The following PCDHGB6 variants were observed in gnomAD, a reference collection of about 807,000 sequenced individuals.
PCDHGB6 encodes protocadherin gamma subfamily B, 6, also known as protocadherin gamma-B6.
Under a neutral mutation model 59.1 loss-of-function variants are expected in PCDHGB6, and 51 were observed. That is an observed-to-expected ratio of 0.86 (90% CI 0.69 to 1.09). PCDHGB6 has a LOEUF of 1.09. Ranked by LOEUF, PCDHGB6 falls within the 50% of genes least tolerant of loss-of-function variation. The probability of loss-of-function intolerance (pLI) is 0.00; values close to 1 mark genes in which losing one functional copy is unlikely to be tolerated. For synonymous variants in PCDHGB6, 466 were observed against 495.1 expected, an observed-to-expected ratio of 0.94 and a Z score of 0.78; for missense variants, 1,148 against 1,205.1, an observed-to-expected ratio of 0.95 and a Z score of 0.70.
chr5:141,441,671 C>T (rs1027440120), intron 1 of PCDHGB6: 1 of 287,648 alleles, frequency 3.5e-6, no homozygotes, highest in African/African-American at 2.3e-5. Flanking sequence ...GCGCACAGTG[C>T]GCCTTCGACC....
At chr5:141,443,871 G>A (rs1395939418) in intron 1 of PCDHGB6, among the ~76,000 whole-genome samples, 1 of 152,112 alleles carries the variant, frequency 6.6e-6, no homozygotes, top group East Asian at 1.9e-4. Context: ...AAAAATTACT[G>A]ATAAGTCAAG....
intron 1 of PCDHGB6, among the ~76,000 whole-genome samples, chr5:141,457,155 A>G (rs1403164805): frequency 1.3e-5 from 2 of 152,216 alleles, no homozygotes; most frequent in Admixed American, 6.5e-5. Flanking sequence ...AGAAGGTGCT[A>G]CCATGGATAA....
intron 1 of PCDHGB6, among the ~76,000 whole-genome samples, chr5:141,448,086 TAA>T (rs558292628): frequency 6.8e-6 from 1 of 146,354 alleles, no homozygotes; most frequent in Middle Eastern, 3.2e-3. Flanking sequence ...AATGCCATCT[TAA>T]AAAAAAAAAA....
At chr5:141,506,787 G>A (rs55775963) in intron 3 of PCDHGB6, among the ~76,000 whole-genome samples, 1,925 of 152,270 alleles carry the variant, frequency 0.013, 43 homozygotes, top group African/African-American at 0.044. Flanking sequence ...CTTATAAGGA[G>A]GCTGGCAGAG....
At position 141,476,980 on chromosome 5, in the gene PCDHGB6, C is replaced by T; in HGVS notation, c.2419-17827C>T. 6.2e-7 allele frequency: 1 copy of T among 1,614,232 alleles called. No individual in the cohort carries two copies. Among genetic ancestry groups the T allele is most frequent in the Non-Finnish European group, 8.5e-7 (1 of 1,180,044 alleles). On this transcript the variant is annotated intron_variant, in intron 1 of 3. Coordinates refer to ENST00000520790, the MANE Select transcript of PCDHGB6 (RefSeq NM_018926.3). This position sits in a 1 kb window ranked among gnomAD's most constrained non-coding sequence, Gnocchi z 7.6. Reference sequence around the variant, plus strand: ...TTTACTCCTTCGGCAGCCACAACCGCGCCGGCGTGCGGCAACTATTCGCCT... The same window carrying T: ...TTTACTCCTTCGGCAGCCACAACCGTGCCGGCGTGCGGCAACTATTCGCCT...
intron 1 of PCDHGB6, among the ~76,000 whole-genome samples, chr5:141,451,830 G>A (rs940668278): frequency 6.6e-5 from 10 of 151,238 alleles, no homozygotes; most frequent in East Asian, 1.9e-4. Flanking sequence ...ACAGTGAGCC[G>A]AGATCACACC....
rs911461762 is a variant in PCDHGB6 at position 141,512,938 on chromosome 5, T to C, written c.*1765T>C. The stretch of plus-strand genomic sequence containing the variant: ...ACTCTAATATTTATATGGCTTTTTT[T>C]CTTCGACAAAAAAATAATAAAACGT... On this transcript the variant is annotated 3_prime_UTR_variant, in exon 4 of 4. Coordinates refer to ENST00000520790, the MANE Select transcript of PCDHGB6 (RefSeq NM_018926.3). 6.6e-6 allele frequency: 1 copy of C among 151,928 alleles called. No homozygotes were observed. Among genetic ancestry groups the C allele is most frequent in the Non-Finnish European group, 1.5e-5 (1 of 67,934 alleles). The allele number at this position is 151,928 out of a possible 1,614,324, so 9.4% of individuals were successfully genotyped here.
In PCDHGB6 at chr5:141,494,860, C is replaced by T. The variant is rs372794752; in HGVS notation, c.2472C>T (p.Thr824=). Residue 824 remains threonine, a synonymous_variant, in exon 2 of 4, where the codon ACC becomes ACT. Coordinates refer to ENST00000520790, the MANE Select transcript of PCDHGB6 (RefSeq NM_018926.3). ...TCTCTCAGGCCCAGAGACCCGGCAC[C>T]AGCGGGTAGGTGACTGATTCTCCAG... ...WRFSQAQRPG[T]SGSQNGDDTG... 5.6e-6 allele frequency: 9 copies of T among 1,614,032 alleles called. No homozygotes were observed. Among genetic ancestry groups the T allele is most frequent in the Non-Finnish European group, 7.6e-6 (9 of 1,180,024 alleles).
chr5:141,437,765 G>C (rs1561886251), intron 1 of PCDHGB6, among the ~76,000 whole-genome samples: 1 of 148,074 alleles, frequency 6.8e-6, no homozygotes, highest in African/African-American at 2.5e-5. Flanking sequence ...TTGAGACAGA[G>C]TCTCAATCTG....
Position 141,408,917 on chromosome 5 carries a change from C to G in PCDHGB6, c.715C>G (p.Pro239Ala). ...TTCTGTCAAGGATACCAATGATAAC[C>G]CCCCGGTTTTCAGCAGAGACGAATA... ...EISVKDTNDN[P>A]PVFSRDEYRI... Residue 239 changes from proline to alanine, a missense_variant, in exon 1 of 4, where the codon CCC (proline) becomes GCC (alanine). Transcript: ENST00000520790. 6.2e-7 allele frequency: 1 copy of G among 1,613,366 alleles called. No homozygotes were observed. Among genetic ancestry groups the G allele is most frequent in the South Asian group, 1.1e-5 (1 of 91,026 alleles).
Position 141,476,538 on chromosome 5 carries a change from A to G in PCDHGB6, c.2419-18269A>G, listed in dbSNP as rs2099393283. ...CCTGCTTTCCCTACCCAGGAAATGAAATTGGAGATTAGCGAGGCCGTGGCT... is the reference window on the plus strand; with the variant it reads ...CCTGCTTTCCCTACCCAGGAAATGAGATTGGAGATTAGCGAGGCCGTGGCT... On this transcript the variant is annotated intron_variant, in intron 1 of 3. Coordinates refer to ENST00000520790, the MANE Select transcript of PCDHGB6 (RefSeq NM_018926.3). The surrounding 1 kb of genome is among the most constrained non-coding windows in gnomAD (Gnocchi z 7.6). 1.2e-6 allele frequency: 2 copies of G among 1,614,162 alleles called. No homozygotes were observed. Among genetic ancestry groups the G allele is most frequent in the Non-Finnish European group, 1.7e-6 (2 of 1,180,042 alleles).
intron 1 of PCDHGB6, among the ~76,000 whole-genome samples, chr5:141,434,854 A>G (rs2097723190): frequency 6.6e-6 from 1 of 151,936 alleles, no homozygotes; most frequent in Admixed American, 6.6e-5. Context: ...ACATCAATAA[A>G]TTTATATATA....
intron 1 of PCDHGB6, among the ~76,000 whole-genome samples, chr5:141,481,863 G>A (rs182704348): frequency 8.8e-4 from 130 of 147,602 alleles, no homozygotes; most frequent in African/African-American, 3.3e-3. Flanking sequence ...GCAGTGAGCC[G>A]AGATCGCGCC....
intron 1 of PCDHGB6, chr5:141,419,253 A>C (rs1590154657): frequency 6.2e-7 from 1 of 1,613,990 alleles, no homozygotes; most frequent in South Asian, 1.1e-5. Context: ...CCAGAAAACA[A>C]CCAGCCGGGT....
intron 1 of PCDHGB6, chr5:141,423,087 G>C (rs756067751): frequency 1.2e-6 from 2 of 1,613,936 alleles, no homozygotes; most frequent in African/African-American, 1.3e-5. Context: ...TCTTCGCGGT[G>C]GGGGAGCACA....
intron 1 of PCDHGB6, chr5:141,418,567 T>C: frequency 6.2e-7 from 1 of 1,614,014 alleles, no homozygotes; most frequent in Non-Finnish European, 8.5e-7. Flanking sequence ...TAGATGCCAA[T>C]GACAACCCCC....
intron 1 of PCDHGB6, among the ~76,000 whole-genome samples, chr5:141,446,338 G>T (rs964323259): frequency 6.6e-6 from 1 of 152,128 alleles, no homozygotes; most frequent in African/African-American, 2.4e-5. Flanking sequence ...GGAACTGGAT[G>T]GACAAAGCTA....
At chr5:141,484,176 A>G (rs1044076131) in intron 1 of PCDHGB6, among the ~76,000 whole-genome samples, 1 of 152,236 alleles carries the variant, frequency 6.6e-6, no homozygotes, top group East Asian at 1.9e-4. Context: ...GCTGATCTCA[A>G]TCATTCAAGG....
intron 2 of PCDHGB6, among the ~76,000 whole-genome samples, chr5:141,502,686 C>T (rs2099815631): frequency 6.6e-6 from 1 of 152,136 alleles, no homozygotes; most frequent in Admixed American, 6.5e-5. Flanking sequence ...CCCTGATGAT[C>T]CTTGCCTGTA....
Sources: gnomAD v4.1 joint callset for allele counts (sites outside exome capture counted in the v4.1 genomes callset) on GRCh38, gnomAD v4.1.1 for gene constraint, Gnocchi (gnomAD v3.1) non-coding constraint, MANE v1.5 for transcripts, NCBI Gene and HGNC (gene_info 2026-07-23, HGNC 2026-07-21) for gene names.